Variants in THRB observed in about 807,000 individuals in gnomAD.
THRB encodes thyroid hormone receptor beta, also known as nuclear receptor subfamily 1 group A member 2.
In THRB, 12 loss-of-function variants were observed where a neutral mutation model predicts 47.8. That is an observed-to-expected ratio of 0.25 (90% CI 0.16 to 0.41). THRB has a LOEUF of 0.41. THRB is among the 10% of genes least tolerant of loss of function. The pLI is 1.00. For missense variants in THRB, 348 were observed against 589.2 expected (o/e 0.59, Z 4.24); for synonymous variants, 218 against 212.2 (o/e 1.03, Z -0.24).
chr3:24,455,644 C>T (rs1182537735), intron 1 of THRB, among the ~76,000 whole-genome samples: 1 of 152,154 alleles, frequency 6.6e-6, no homozygotes, highest in Non-Finnish European at 1.5e-5. Flanking sequence ...CTTCTATATT[C>T]CTTGACTACC....
chr3:24,128,798 G>A (rs1438750698), intron 9 of THRB, among the ~76,000 whole-genome samples: 1 of 150,160 alleles, frequency 6.7e-6, no homozygotes, highest in Non-Finnish European at 1.5e-5. Context: ...TGTTTCATGG[G>A]TGAGGCTAGG....
At chr3:24,225,238 T>A (rs1275004107) in intron 4 of THRB, among the ~76,000 whole-genome samples, 1 of 152,132 alleles carries the variant, frequency 6.6e-6, no homozygotes, top group Non-Finnish European at 1.5e-5. Context: ...AGTACAAAGA[T>A]CACATGGTGG....
chr3:24,279,280 T>C (rs919293540), intron 3 of THRB, among the ~76,000 whole-genome samples: 2 of 152,176 alleles, frequency 1.3e-5, no homozygotes, highest in Admixed American at 6.5e-5. Flanking sequence ...ACATCTAATA[T>C]TGAAAAACAC....
chr3:24,184,084 T>C (rs1361577744), intron 5 of THRB, among the ~76,000 whole-genome samples: 3 of 147,858 alleles, frequency 2.0e-5, no homozygotes, highest in African/African-American at 5.0e-5. Context: ...ATATAGACTT[T>C]TAACGTTATA....
chr3:24,481,949 A>T (rs941693112), intron 1 of THRB, among the ~76,000 whole-genome samples: 1 of 152,204 alleles, frequency 6.6e-6, no homozygotes, highest in Non-Finnish European at 1.5e-5. Context: ...GGGATCATTA[A>T]CTTGGACAAC....
chr3:24,163,381 A>G (rs185995889), intron 5 of THRB, among the ~76,000 whole-genome samples: 2 of 152,214 alleles, frequency 1.3e-5, no homozygotes, highest in Admixed American at 1.3e-4. Flanking sequence ...TTAATAAAGA[A>G]CCCCTGGTTT....
intron 1 of THRB, among the ~76,000 whole-genome samples, chr3:24,340,125 A>C (rs113815873): frequency 0.028 from 4,246 of 152,302 alleles, 64 homozygotes; most frequent in Middle Eastern, 0.041. Context: ...AGTCCCTTTA[A>C]CTTGGTTTAC....
intron 9 of THRB, among the ~76,000 whole-genome samples, chr3:24,131,854 T>C (rs545026519): frequency 6.6e-6 from 1 of 152,334 alleles, no homozygotes; most frequent in South Asian, 2.1e-4. Flanking sequence ...ACTCAGTCTA[T>C]GGTATTCTGT....
intron 3 of THRB, among the ~76,000 whole-genome samples, chr3:24,266,115 G>T (rs826232): frequency 0.63 from 95,765 of 152,020 alleles, 30,477 homozygotes; most frequent in East Asian, 0.74. Flanking sequence ...GAAATTGATA[G>T]GGTTTTTGAG....
At chr3:24,334,270 T>G (rs891475530) in intron 2 of THRB, among the ~76,000 whole-genome samples, 1 of 152,172 alleles carries the variant, frequency 6.6e-6, no homozygotes, top group African/African-American at 2.4e-5. Context: ...GTTTGACAGG[T>G]ACCACTGAAG....
At chr3:24,467,432 T>C (rs1435531503) in intron 1 of THRB, among the ~76,000 whole-genome samples, 1 of 152,240 alleles carries the variant, frequency 6.6e-6, no homozygotes, top group Non-Finnish European at 1.5e-5. Context: ...TCCAGAATGT[T>C]TTCAATTTAC....
intron 1 of THRB, among the ~76,000 whole-genome samples, chr3:24,410,024 C>T (rs2068152418): frequency 2.0e-5 from 3 of 151,822 alleles, no homozygotes; most frequent in South Asian, 4.1e-4. Context: ...AAGTTGATTG[C>T]ATTTTGATGA....
chr3:24,377,518 G>A (rs1457967468), intron 1 of THRB, among the ~76,000 whole-genome samples: 1 of 152,164 alleles, frequency 6.6e-6, no homozygotes, highest in Non-Finnish European at 1.5e-5. Context: ...TGTGGCTGTG[G>A]TGATTTCATT....
At chr3:24,446,096 C>A (rs2072046041) in intron 1 of THRB, among the ~76,000 whole-genome samples, 1 of 152,132 alleles carries the variant, frequency 6.6e-6, no homozygotes, top group African/African-American at 2.4e-5. Flanking sequence ...TTATTTTATA[C>A]ACTGAATATC....
chr3:24,219,941 TA>T (rs986778520), intron 4 of THRB, among the ~76,000 whole-genome samples: 2 of 152,216 alleles, frequency 1.3e-5, no homozygotes, highest in African/African-American at 2.4e-5. Context: ...CTTGAGGAGT[TA>T]AAAAAACAAA....
intron 2 of THRB, among the ~76,000 whole-genome samples, chr3:24,315,939 T>C (rs1352605300): frequency 6.6e-6 from 1 of 152,238 alleles, no homozygotes; most frequent in Non-Finnish European, 1.5e-5. Flanking sequence ...ATTGTGAGGA[T>C]GAATTTCAAA....
At chr3:24,495,535 T>G (rs980392612), upstream of THRB, 1 of 152,484 alleles carries the variant, frequency 6.6e-6, no homozygotes. Flanking sequence ...CCAGGGTTGG[T>G]GACGGTGCTG....
rs528832730 is a variant in THRB, at chr3:24,123,130, G to A, written c.1145-5C>T. 186 of 1,614,026 alleles carry A rather than the reference G, an allele frequency of 1.2e-4. 1 individual carries two copies. In the South Asian group the frequency reaches 1.3e-3, roughly 11 times the overall value. ...CACAGGCAAGCCCCGGGCGATCTGCGGGGAAGAGAGAAGATGGACATTGAT... is the reference window on the plus strand; with the variant it reads ...CACAGGCAAGCCCCGGGCGATCTGCAGGGAAGAGAGAAGATGGACATTGAT... On this transcript the variant is annotated splice_region_variant and splice_polypyrimidine_tract_variant and intron_variant, in intron 10 of 10. Coordinates refer to ENST00000646209, the MANE Select transcript of THRB (RefSeq NM_001354712.2).
intron 3 of THRB, among the ~76,000 whole-genome samples, chr3:24,278,926 C>A (rs1044938087): frequency 6.6e-6 from 1 of 151,564 alleles, no homozygotes; most frequent in Non-Finnish European, 1.5e-5. Context: ...CTCACTGCAG[C>A]CTTGAACTCC....
Sources: allele counts gnomAD v4.1 joint callset (sites outside exome capture counted in the v4.1 genomes callset), GRCh38; gene constraint gnomAD v4.1.1; transcripts MANE v1.5; gene names NCBI Gene and HGNC (gene_info 2026-07-23, HGNC 2026-07-21).